EPHA3: variants seen among roughly 807,000 people sequenced by gnomAD.
The protein encoded by EPHA3 is ephrin type-A receptor 3.
EPHA3 carries 42 observed loss-of-function variants against 107.1 expected under a neutral mutation model. The ratio of observed to expected loss-of-function variants is 0.39; its 90% confidence interval spans 0.31 to 0.51. EPHA3 has a LOEUF of 0.51. EPHA3 is among the 20% of genes least tolerant of loss of function. EPHA3 has a pLI of 0.78. For synonymous variants in EPHA3, 461 were observed against 424.8 expected, an observed-to-expected ratio of 1.09 and a Z score of -1.05; for missense variants, 1,183 against 1,211.2, an observed-to-expected ratio of 0.98 and a Z score of 0.35.
chr3:89,368,462 G>A (rs1708225375), intron 5 of EPHA3, among the ~76,000 whole-genome samples: 1 of 150,408 alleles, frequency 6.6e-6, no homozygotes, highest in African/African-American at 2.4e-5. Context: ...GGGAGCTAGA[G>A]AAATAGAAAA....
intron 2 of EPHA3, among the ~76,000 whole-genome samples, chr3:89,143,574 G>A (rs1056794518): frequency 1.3e-5 from 2 of 151,456 alleles, no homozygotes; most frequent in Admixed American, 1.3e-4. Context: ...TGTATAATGC[G>A]GGTTTTAAAA....
intron 3 of EPHA3, among the ~76,000 whole-genome samples, chr3:89,256,167 C>A (rs1258745992): frequency 6.6e-6 from 1 of 152,014 alleles, no homozygotes; most frequent in Non-Finnish European, 1.5e-5. Context: ...AGGAGAATCA[C>A]TTGAACCCAG....
intron 2 of EPHA3, among the ~76,000 whole-genome samples, chr3:89,162,011 A>C (rs1430667558): frequency 6.6e-6 from 1 of 150,600 alleles, no homozygotes; most frequent in Admixed American, 6.6e-5. Flanking sequence ...AATAATAATA[A>C]ATAATAATAA....
At chr3:89,431,023 G>A (rs1467417832) in intron 12 of EPHA3, 127 bp from the exon 13 acceptor site, 3 of 860,220 alleles carry the variant, frequency 3.5e-6, no homozygotes, top group Non-Finnish European at 5.3e-6. Flanking sequence ...TTTGTCTTGA[G>A]TGCTTAGGAC....
chr3:89,346,930 G>A (rs1299252785), intron 5 of EPHA3, among the ~76,000 whole-genome samples: 1 of 146,512 alleles, frequency 6.8e-6, no homozygotes, highest in African/African-American at 2.5e-5. Flanking sequence ...ATAGTTGTAG[G>A]TACGCGGCGT....
chr3:89,395,539 A>G (rs769173192), intron 5 of EPHA3, among the ~76,000 whole-genome samples: 3 of 152,164 alleles, frequency 2.0e-5, no homozygotes, highest in Non-Finnish European at 2.9e-5. Flanking sequence ...TGCTTACATT[A>G]TAGTAGCAGA....
At chr3:89,475,837 C>T (rs529678539) in intron 16 of EPHA3, among the ~76,000 whole-genome samples, 34 of 152,162 alleles carry the variant, frequency 2.2e-4, no homozygotes, top group African/African-American at 7.5e-4. Context: ...TGAACTTTTC[C>T]GCCACTCTTC....
chr3:89,405,337 C>A (rs1471513059), intron 7 of EPHA3, among the ~76,000 whole-genome samples: 1 of 152,148 alleles, frequency 6.6e-6, no homozygotes, highest in Admixed American at 6.6e-5. Context: ...CTAAGGGGTA[C>A]ATAACCTGTG....
At chr3:89,117,142 T>G (rs1329187410) in intron 1 of EPHA3, among the ~76,000 whole-genome samples, 1 of 152,148 alleles carries the variant, frequency 6.6e-6, no homozygotes. Flanking sequence ...AACTGTTTCT[T>G]CTCGATTTTT....
intron 3 of EPHA3, among the ~76,000 whole-genome samples, chr3:89,225,200 A>T (rs1704475410): frequency 6.6e-6 from 1 of 152,116 alleles, no homozygotes; most frequent in Admixed American, 6.5e-5. Flanking sequence ...CATGGCTATG[A>T]TTATGTGCTA....
chr3:89,444,863 T>C (rs1430358720), intron 13 of EPHA3, among the ~76,000 whole-genome samples: 1 of 152,178 alleles, frequency 6.6e-6, no homozygotes, highest in Admixed American at 6.6e-5. Context: ...TATTTCATTA[T>C]TGGAGCTAAA....
At chr3:89,439,761 A>G (rs1709748178) in intron 13 of EPHA3, among the ~76,000 whole-genome samples, 1 of 151,900 alleles carries the variant, frequency 6.6e-6, no homozygotes, top group African/African-American at 2.4e-5. Context: ...ACACATATAT[A>G]TATGTATGTA....
At chr3:89,121,587 T>C (rs533889257) in intron 1 of EPHA3, among the ~76,000 whole-genome samples, 1 of 152,094 alleles carries the variant, frequency 6.6e-6, no homozygotes, top group South Asian at 2.1e-4. Context: ...TGAAACCCCG[T>C]CTCTACTAAA....
In EPHA3 at chr3:89,431,292, G is replaced by T; in HGVS notation, c.2279G>T (p.Cys760Phe). ...RNILINSNLVCKVSDFGLSRV... is the reference protein window; with the variant it reads ...RNILINSNLVFKVSDFGLSRV... ...ATCTTGATCAACAGTAACTTGGTGT[G>T]TAAGGTTTCTGATTTCGGACTTTCG... Residue 760 changes from cysteine to phenylalanine, a missense_variant, in exon 13 of 17, where the codon TGT becomes TTT. Transcript: ENST00000336596. 1 of 1,613,696 alleles carries T rather than the reference G, an allele frequency of 6.2e-7. No individual in the cohort carries two copies. The highest frequency in any genetic ancestry group is 8.5e-7 in the Non-Finnish European group (1 of 1,179,932).
chr3:89,340,239 C>A (rs1436403099), intron 3 of EPHA3, among the ~76,000 whole-genome samples: 2 of 152,050 alleles, frequency 1.3e-5, no homozygotes, highest in Non-Finnish European at 2.9e-5. Context: ...TAAAAGAGCT[C>A]TCATCTAGTA....
At chr3:89,479,050 C>T (rs572597972) in intron 16 of EPHA3, among the ~76,000 whole-genome samples, 1 of 152,268 alleles carries the variant, frequency 6.6e-6, no homozygotes, top group Non-Finnish European at 1.5e-5. Context: ...ATCCTATTCT[C>T]TTATAAGGAA....
At chr3:89,328,782 G>C (rs148476994) in intron 3 of EPHA3, among the ~76,000 whole-genome samples, 7 of 152,202 alleles carry the variant, frequency 4.6e-5, no homozygotes, top group African/African-American at 1.7e-4. Context: ...TCACATAATT[G>C]TTATGAATAT....
At chr3:89,182,546 C>T (rs1705464999) in intron 2 of EPHA3, among the ~76,000 whole-genome samples, 1 of 151,726 alleles carries the variant, frequency 6.6e-6, no homozygotes. Flanking sequence ...GTATGCCTTA[C>T]ATTATGTCAT....
chr3:89,189,668 G>A lies in EPHA3; in HGVS notation c.154-20192G>A, dbSNP rs549683825. On this transcript the variant is annotated intron_variant, in intron 2 of 16. Transcript: ENST00000336596. The stretch of plus-strand genomic sequence containing the variant: ...ACTTTTCTCTTCTTGAGAATTCCTC[G>A]TTTCCTGAACGTTACTTTGAGTTCT... Among the ~76,000 whole-genome samples, 32 of 152,278 alleles carry A rather than the reference G, an allele frequency of 2.1e-4. 1 individual carries two copies. Among genetic ancestry groups the A allele is most frequent in the African/African-American group, 7.0e-4 (29 of 41,564 alleles).
Sources: gnomAD v4.1 joint callset for allele counts (sites outside exome capture counted in the v4.1 genomes callset) on GRCh38, gnomAD v4.1.1 for gene constraint, MANE v1.5 for transcripts, NCBI Gene and HGNC (gene_info 2026-07-23, HGNC 2026-07-21) for gene names.